Variants in TRAK1 observed in about 807,000 individuals in gnomAD.
The protein encoded by TRAK1 is trafficking kinesin protein 1.
TRAK1 carries 33 observed loss-of-function variants against 92.1 expected under a neutral mutation model. The observed-to-expected ratio is 0.36, with a 90% confidence interval of 0.27 to 0.48. The LOEUF (loss-of-function observed/expected upper bound fraction) is 0.48, where lower values mean the gene tolerates loss of function less well. TRAK1 is among the 20% of genes least tolerant of loss of function. The pLI is 0.99. For missense variants in TRAK1, 1,123 were observed against 1,257.9 expected, an observed-to-expected ratio of 0.89 and a Z score of 1.62; for synonymous variants, 521 against 517.3, an observed-to-expected ratio of 1.01 and a Z score of -0.10.
At chr3:42,104,347 C>T (rs1311491554) in intron 1 of TRAK1, among the ~76,000 whole-genome samples, 2 of 152,182 alleles carry the variant, frequency 1.3e-5, no homozygotes, top group African/African-American at 2.4e-5. Flanking sequence ...AAGAGAATAG[C>T]GGTTCTCCCG....
At chr3:42,058,799 AT>A (rs1228929440) in intron 1 of TRAK1, among the ~76,000 whole-genome samples, 1 of 152,298 alleles carries the variant, frequency 6.6e-6, no homozygotes, top group African/African-American at 2.4e-5. Context: ...AAGATACGCC[AT>A]TGCTTTATGT....
At chr3:42,021,736 C>T (rs1701727462) in intron 1 of TRAK1, among the ~76,000 whole-genome samples, 1 of 152,114 alleles carries the variant, frequency 6.6e-6, no homozygotes, top group Non-Finnish European at 1.5e-5. Context: ...GCCACCACAC[C>T]TGGCTAATTT....
At chr3:42,045,263 G>A (rs182548241) in intron 1 of TRAK1, among the ~76,000 whole-genome samples, 158 of 152,226 alleles carry the variant, frequency 1.0e-3, no homozygotes, top group African/African-American at 3.7e-3. Context: ...GGCCGGGCAT[G>A]GTGACTCACG....
chr3:42,057,752 T>C (rs1405066022), intron 1 of TRAK1, among the ~76,000 whole-genome samples: 1 of 152,154 alleles, frequency 6.6e-6, no homozygotes, highest in East Asian at 1.9e-4. Flanking sequence ...GGGTTGGCTC[T>C]GTCTCATTTG....
At chr3:42,054,172 T>A (rs1159990631) in intron 1 of TRAK1, among the ~76,000 whole-genome samples, 1 of 152,238 alleles carries the variant, frequency 6.6e-6, no homozygotes, top group East Asian at 1.9e-4. Flanking sequence ...TTTACCTGAA[T>A]AACGAAATAT....
Position 42,157,457 on chromosome 3 carries a change from C to CAAAAAAAAAAAAAAAAAAAAAAAAAAA in TRAK1, c.287-19351_287-19325dup, listed in dbSNP as rs60622565. On this transcript the variant is annotated intron_variant, in intron 2 of 15. Transcript: ENST00000327628. ...TGGGCAACAGAATGAGACCCTGTCT[C>CAAAAAAAAAAAAAAAAAAAAAAAAAAA]AAAAAAAAAAAAAAAAAAAAAAAAA... Among the ~76,000 whole-genome samples the CAAAAAAAAAAAAAAAAAAAAAAAAAAA allele has an allele frequency of 6.4e-5, 2 of 31,112 alleles. 1 individual carries two copies. The highest frequency in any genetic ancestry group is 1.1e-4 in the Non-Finnish European group (2 of 18,380). The allele number at this position is 31,112 out of a possible 152,430, so 20.4% of individuals were successfully genotyped here.
chr3:42,029,180 T>C (rs1702023537), intron 1 of TRAK1, among the ~76,000 whole-genome samples: 1 of 152,096 alleles, frequency 6.6e-6, no homozygotes, highest in South Asian at 2.1e-4. Context: ...TCCAATCACC[T>C]CCCACCAGGC....
chr3:42,045,862 C>T (rs1355716350), intron 1 of TRAK1, among the ~76,000 whole-genome samples: 1 of 152,208 alleles, frequency 6.6e-6, no homozygotes, highest in African/African-American at 2.4e-5. Context: ...TATCAGGCTG[C>T]TGTGTTTAGT....
At chr3:42,091,186 C>T (rs1705016026), upstream of TRAK1, 2 of 397,072 alleles carry the variant, frequency 5.0e-6, no homozygotes, top group East Asian at 1.1e-4. Flanking sequence ...GTTCTCCTTG[C>T]TACTCCCCTT....
rs68023368 is a variant in TRAK1, at chr3:42,191,895, ATTTT to A, written c.769+279_769+282del. The stretch of plus-strand genomic sequence containing the variant: ...TTTGGCTTTATACTGGAATATTGGA[ATTTT>A]TTTTTTTTTTTTTTTTTTTGAGACA... On this transcript the variant is annotated intron_variant, in intron 7 of 15. Transcript: ENST00000327628. Among the ~76,000 whole-genome samples, 521 of 72,772 alleles carry A rather than the reference ATTTT, an allele frequency of 7.2e-3. 11 individuals are homozygous for A. Among genetic ancestry groups the A allele is most frequent in the African/African-American group, 0.029 (498 of 17,244 alleles). The allele number at this position is 72,772 out of a possible 152,430, so 47.7% of individuals were successfully genotyped here.
intron 1 of TRAK1, among the ~76,000 whole-genome samples, chr3:42,046,054 G>C (rs193123593): frequency 8.4e-4 from 128 of 152,114 alleles, no homozygotes; most frequent in African/African-American, 3.0e-3. Flanking sequence ...ATTACATAGC[G>C]GGAGTCCTTG....
At chr3:42,074,000 C>G (rs541635868) in intron 1 of TRAK1, among the ~76,000 whole-genome samples, 1 of 152,086 alleles carries the variant, frequency 6.6e-6, no homozygotes, top group African/African-American at 2.4e-5. Context: ...GCCCCTGTTA[C>G]GACAAGAGGG....
In TRAK1 at chr3:42,075,294, T is replaced by C. The variant is rs142264766; in HGVS notation, c.-518-11810T>C. 3.7e-4 allele frequency among the ~76,000 whole-genome samples: 49 copies of C among 134,180 alleles called. No individual in the cohort carries two copies. The East Asian group carries it at 7.9e-3, about 22-fold the overall frequency. The allele number at this position is 134,180 out of a possible 152,430, so 88.0% of individuals were successfully genotyped here. A position where few individuals can be genotyped will look rare whatever the true frequency, so the allele number is the denominator to read the frequency against. ...AAGGGGATGTTGCAGGGAGCTGAGA[T>C]AGCGCCATTGCACTTCAGCTTGGGT... On this transcript the variant is annotated intron_variant, in intron 1 of 16. Coordinates refer to the TRAK1 transcript ENST00000487159.
chr3:42,161,012 A>C (rs1701216705), intron 2 of TRAK1, among the ~76,000 whole-genome samples: 2 of 152,186 alleles, frequency 1.3e-5, no homozygotes, highest in African/African-American at 2.4e-5. Flanking sequence ...GGCAGTGTTT[A>C]TTTTTAAAAA....
intron 1 of TRAK1, among the ~76,000 whole-genome samples, chr3:42,015,119 G>A (rs1701466917): frequency 6.6e-6 from 1 of 152,124 alleles, no homozygotes; most frequent in African/African-American, 2.4e-5. Context: ...TTGACTGGTA[G>A]GTTTGGAGAG....
chr3:42,151,566 C>A, intron 2 of TRAK1: 1 of 290,634 alleles, frequency 3.4e-6, no homozygotes, highest in Non-Finnish European at 6.7e-6. Context: ...TTTACTGGGA[C>A]CACTGGTATT....
At chr3:42,052,677 G>T (rs41460244) in intron 1 of TRAK1, among the ~76,000 whole-genome samples, 12,819 of 152,276 alleles carry the variant, frequency 0.084, 612 homozygotes, top group Non-Finnish European at 0.11. Context: ...AGTGATAACA[G>T]TTGGCATACT....
chr3:42,046,944 C>T (rs1702773890), intron 1 of TRAK1, among the ~76,000 whole-genome samples: 1 of 151,930 alleles, frequency 6.6e-6, no homozygotes, highest in African/African-American at 2.4e-5. Flanking sequence ...ATTAGGATGG[C>T]CTCAATTTCA....
chr3:42,121,467 G>T (rs566552011), intron 1 of TRAK1, among the ~76,000 whole-genome samples: 86 of 152,062 alleles, frequency 5.7e-4, no homozygotes, highest in African/African-American at 2.0e-3. Flanking sequence ...CACCATGTTA[G>T]CCAGGATGGT....
Sources: allele counts gnomAD v4.1 joint callset (sites outside exome capture counted in the v4.1 genomes callset), GRCh38; gene constraint gnomAD v4.1.1; transcripts MANE v1.5; gene names NCBI Gene and HGNC (gene_info 2026-07-23, HGNC 2026-07-21).